ULK4: variants seen among roughly 807,000 people sequenced by gnomAD.
The protein encoded by ULK4 is inactive serine/threonine-protein kinase ULK4.
Under a neutral mutation model 160.6 loss-of-function variants are expected in ULK4, and 133 were observed. The observed-to-expected ratio is 0.83, with a 90% CI of 0.72 to 0.96. The LOEUF is 0.96. Among genes scored for constraint, ULK4 ranks in the 40% least tolerant of loss-of-function variants. The pLI is 0.00. For synonymous variants in ULK4, 534 were observed against 539.8 expected (o/e 0.99, Z 0.15); for missense variants, 1,580 against 1,499.5 (o/e 1.05, Z -0.89).
chr3:41,649,010 C>T (rs571603874), intron 30 of ULK4, among the ~76,000 whole-genome samples: 2 of 152,184 alleles, frequency 1.3e-5, no homozygotes, highest in African/African-American at 4.8e-5. Flanking sequence ...TGCCTGTAAT[C>T]CCACCTACTT....
chr3:41,880,271 G>A (rs1343107302), intron 17 of ULK4, among the ~76,000 whole-genome samples: 1 of 152,052 alleles, frequency 6.6e-6, no homozygotes, highest in Non-Finnish European at 1.5e-5. Context: ...ATTACAGAGT[G>A]GTAAATGTGT....
chr3:41,808,306 A>G (rs760781971), intron 19 of ULK4, among the ~76,000 whole-genome samples: 6 of 152,190 alleles, frequency 3.9e-5, no homozygotes, highest in Non-Finnish European at 5.9e-5. Context: ...TTACAACACA[A>G]TTGTCAGTCA....
intron 16 of ULK4, among the ~76,000 whole-genome samples, chr3:41,893,588 G>A (rs1330276605): frequency 6.6e-6 from 1 of 151,646 alleles, no homozygotes; most frequent in Non-Finnish European, 1.5e-5. Flanking sequence ...GAAAAAGCAG[G>A]CACAAAGATT....
intron 35 of ULK4, among the ~76,000 whole-genome samples, chr3:41,384,640 A>G (rs959590187): frequency 6.6e-6 from 1 of 152,082 alleles, no homozygotes; most frequent in African/African-American, 2.4e-5. Context: ...GCTGGAGTGC[A>G]GTGGCATGAT....
chr3:41,441,281 T>C (rs866935730), intron 34 of ULK4, among the ~76,000 whole-genome samples: 1 of 152,088 alleles, frequency 6.6e-6, no homozygotes, highest in Admixed American at 6.6e-5. Context: ...AGAGGAGTCA[T>C]GTGCTGTAAA....
Position 41,249,484 on chromosome 3 carries a change from C to A in ULK4, c.3764+5G>T, listed in dbSNP as rs770190414. 6.2e-6 allele frequency: 10 copies of A among 1,612,624 alleles called. No individual in the cohort carries two copies. Among genetic ancestry groups the A allele is most frequent in the Middle Eastern group, 1.7e-4 (1 of 6,042 alleles). ...AGACTGCTGATCCTCCTGGGTCCCA[C>A]TTACCCACTCCCAGGGGCCAGCCGC... is the stretch of plus-strand genomic sequence containing the variant. On this transcript the variant is annotated splice_donor_5th_base_variant and intron_variant, in intron 36 of 36. Coordinates refer to ENST00000301831, the MANE Select transcript of ULK4 (RefSeq NM_017886.4).
At chr3:41,647,640 A>T (rs556878047) in intron 30 of ULK4, among the ~76,000 whole-genome samples, 104 of 152,210 alleles carry the variant, frequency 6.8e-4, no homozygotes, top group Non-Finnish European at 7.8e-4. Context: ...CTTGGGGGTC[A>T]GGGGTCAGGG....
intron 22 of ULK4, among the ~76,000 whole-genome samples, chr3:41,740,454 G>C (rs1017092293): frequency 1.3e-5 from 2 of 151,744 alleles, no homozygotes; most frequent in African/African-American, 4.9e-5. Flanking sequence ...AGATGCATAG[G>C]CCTTATTTTA....
chr3:41,693,454 G>A (rs1394619400), intron 27 of ULK4, among the ~76,000 whole-genome samples: 1 of 152,152 alleles, frequency 6.6e-6, no homozygotes, highest in Non-Finnish European at 1.5e-5. Context: ...AACATTGGTG[G>A]AATACTAAAC....
At position 41,737,176 on chromosome 3, in the gene ULK4, C is replaced by G. The variant is rs560650902; in HGVS notation, c.2321+17185G>C. Among the ~76,000 whole-genome samples the G allele has an allele frequency of 8.6e-5, 13 of 151,998 alleles. 1 individual carries two copies. The South Asian group carries it at 2.7e-3, about 32-fold the overall frequency. ...GAAACTTCAGCAAAGTCTCAGGATACAAAATCAATGTGCAAAAATCACAAG... is the reference window on the plus strand; with the variant it reads ...GAAACTTCAGCAAAGTCTCAGGATAGAAAATCAATGTGCAAAAATCACAAG... On this transcript the variant is annotated intron_variant, in intron 22 of 36. Transcript: ENST00000301831.
intron 16 of ULK4, among the ~76,000 whole-genome samples, chr3:41,887,156 C>T (rs1382054469): frequency 2.0e-5 from 3 of 152,168 alleles, no homozygotes. Flanking sequence ...CTGGCCCTGG[C>T]CCCACCACTG....
intron 7 of ULK4, among the ~76,000 whole-genome samples, 198 bp from the exon 8 acceptor site, chr3:41,916,250 A>G (rs989556303): frequency 6.6e-6 from 1 of 152,210 alleles, no homozygotes; most frequent in Non-Finnish European, 1.5e-5. Flanking sequence ...CACAAAGATT[A>G]AAAACATTTT....
At chr3:41,312,432 A>G (rs1357663332) in intron 35 of ULK4, among the ~76,000 whole-genome samples, 2 of 152,224 alleles carry the variant, frequency 1.3e-5, no homozygotes, top group East Asian at 1.9e-4. Context: ...GATATCTAAA[A>G]TTACATTTTA....
intron 25 of ULK4, among the ~76,000 whole-genome samples, chr3:41,706,700 C>T (rs58540200): frequency 0.056 from 8,384 of 150,896 alleles, 771 homozygotes; most frequent in African/African-American, 0.19. Context: ...TGGTGGCACA[C>T]GCCTGTAATC....
intron 34 of ULK4, among the ~76,000 whole-genome samples, chr3:41,424,867 A>T (rs780211706): frequency 6.6e-6 from 1 of 151,710 alleles, no homozygotes; most frequent in Non-Finnish European, 1.5e-5. Context: ...CTGAAAACTG[A>T]AAAAGCCAGA....
chr3:41,317,063 A>ATTTTT lies in ULK4; in HGVS notation c.3679-67494_3679-67490dup, dbSNP rs1164870603. ...TGATGTAAAATAGGCAATTACATCT[A>ATTTTT]TTTTTTTTTTTTTTTTTTTTTTTGA... On this transcript the variant is annotated intron_variant, in intron 35 of 36. Transcript: ENST00000301831. Among the ~76,000 whole-genome samples the ATTTTT allele has an allele frequency of 2.2e-3, 204 of 94,526 alleles. 25 individuals carry two copies. Among genetic ancestry groups the ATTTTT allele is most frequent in the African/African-American group, 3.0e-3 (71 of 23,364 alleles). The allele number at this position is 94,526 out of a possible 152,430, so 62.0% of individuals were successfully genotyped here.
intron 32 of ULK4, among the ~76,000 whole-genome samples, chr3:41,526,157 T>C (rs1304149374): frequency 6.6e-6 from 1 of 151,422 alleles, no homozygotes; most frequent in African/African-American, 2.4e-5. Context: ...TGAGTGTGTT[T>C]GCATCTCTTA....
chr3:41,562,731 C>T (rs889941458), intron 32 of ULK4, among the ~76,000 whole-genome samples: 5 of 152,028 alleles, frequency 3.3e-5, no homozygotes, highest in African/African-American at 4.8e-5. Flanking sequence ...TCCTCCATCC[C>T]TTTATTTTGA....
chr3:41,870,067 C>G (rs1318193756), intron 17 of ULK4, among the ~76,000 whole-genome samples: 1 of 152,158 alleles, frequency 6.6e-6, no homozygotes, highest in Non-Finnish European at 1.5e-5. Flanking sequence ...GAGAAGTCAG[C>G]ACGCATTCAT....
Sources: gnomAD v4.1 joint callset for allele counts (sites outside exome capture counted in the v4.1 genomes callset) on GRCh38, gnomAD v4.1.1 for gene constraint, MANE v1.5 for transcripts, NCBI Gene and HGNC (gene_info 2026-07-23, HGNC 2026-07-21) for gene names.